OSTF1: variants seen among roughly 807,000 people sequenced by gnomAD.
OSTF1 encodes the protein osteoclast-stimulating factor 1.
A neutral mutation model predicts 37.2 loss-of-function variants in OSTF1; 27 were observed. The observed-to-expected ratio is 0.73, with a 90% CI of 0.54 to 1.00. The LOEUF (loss-of-function observed/expected upper bound fraction) is 1.00. Ranked by LOEUF, OSTF1 falls within the 50% of genes least tolerant of loss-of-function variation. OSTF1 has a pLI of 0.00. For missense variants in OSTF1, 232 were observed against 253.8 expected, an observed-to-expected ratio of 0.91 and a Z score of 0.58; for synonymous variants, 82 against 89.2, an observed-to-expected ratio of 0.92 and a Z score of 0.46.
intron 1 of OSTF1, among the ~76,000 whole-genome samples, chr9:75,115,297 A>G (rs572725744): frequency 6.6e-6 from 1 of 152,010 alleles, no homozygotes; most frequent in African/African-American, 2.4e-5. Context: ...ATTTATTATT[A>G]TTATATTATT....
Position 75,088,719 on chromosome 9 carries a change from C to T in OSTF1, c.27C>T (p.Val9=). The T allele has an allele frequency of 6.2e-7, 1 of 1,609,086 alleles. No homozygotes were observed. Among genetic ancestry groups the T allele is most frequent in the Middle Eastern group, 1.7e-4 (1 of 6,058 alleles). The change falls in exon 1 of 10, where the codon GTC becomes GTT. Residue 9 remains valine (V), a synonymous_variant. Transcript: ENST00000346234. ...TGTCGAAGCCGCCACCCAAACCAGT[C>T]AAACCAGGTGAGGGAGGTAAGGTAG... MSKPPPKP[V]KPGQVKVFRA...
At chr9:75,134,214 A>G in intron 6 of OSTF1, 132 bp from the exon 7 acceptor site, 2 of 510,660 alleles carry the variant, frequency 3.9e-6, no homozygotes, top group Non-Finnish European at 7.1e-6. Flanking sequence ...TATTTTATAA[A>G]TTTTACAAAA....
chr9:75,099,949 A>G (rs1311169111), intron 1 of OSTF1, among the ~76,000 whole-genome samples: 1 of 152,244 alleles, frequency 6.6e-6, no homozygotes, highest in Non-Finnish European at 1.5e-5. Context: ...TTTAGAATTC[A>G]AACAAAAATC....
intron 1 of OSTF1, among the ~76,000 whole-genome samples, chr9:75,112,047 A>G (rs1196013355): frequency 6.7e-6 from 1 of 148,974 alleles, no homozygotes; most frequent in Non-Finnish European, 1.5e-5. Flanking sequence ...CTGGTCTGGA[A>G]CTCCTGACCT....
chr9:75,097,689 G>C (rs1171374380), intron 1 of OSTF1, among the ~76,000 whole-genome samples: 1 of 151,622 alleles, frequency 6.6e-6, no homozygotes, highest in Non-Finnish European at 1.5e-5. Flanking sequence ...AAACATAAAA[G>C]TCTAATGGGG....
chr9:75,108,642 T>G (rs1473833485), intron 1 of OSTF1, among the ~76,000 whole-genome samples: 1 of 152,134 alleles, frequency 6.6e-6, no homozygotes, highest in African/African-American at 2.4e-5. Flanking sequence ...ATCCATTGTA[T>G]TCTTTGTGGG....
chr9:75,106,259 T>C (rs141403426), intron 1 of OSTF1, among the ~76,000 whole-genome samples: 39 of 152,348 alleles, frequency 2.6e-4, no homozygotes, highest in African/African-American at 7.9e-4. Context: ...GGAAGAAACT[T>C]ACTCATTACA....
chr9:75,098,750 T>G (rs1825134677), intron 1 of OSTF1, among the ~76,000 whole-genome samples: 1 of 152,188 alleles, frequency 6.6e-6, no homozygotes, highest in Non-Finnish European at 1.5e-5. Flanking sequence ...GGTGATAGTT[T>G]TAAGCCATAG....
intron 9 of OSTF1, among the ~76,000 whole-genome samples, chr9:75,141,339 A>G (rs1825941087): frequency 7.6e-6 from 1 of 131,106 alleles, no homozygotes; most frequent in Non-Finnish European, 1.6e-5. Context: ...AAAAAAAAAA[A>G]GATAAACTCT....
Position 75,103,160 on chromosome 9 carries a change from G to A in OSTF1, c.35-14344G>A, listed in dbSNP as rs1438106266. 3.3e-5 allele frequency among the ~76,000 whole-genome samples: 5 copies of A among 152,208 alleles called. No individual in the cohort carries two copies. The South Asian group carries it at 6.2e-4, about 19-fold the overall frequency. ...AAAGAAAAATTAGCTGGGTGTGGTGGCATGTGCCTGTGGTCCCAGCTGCCC... is the reference window on the plus strand; with the variant it reads ...AAAGAAAAATTAGCTGGGTGTGGTGACATGTGCCTGTGGTCCCAGCTGCCC... On this transcript the variant is annotated intron_variant, in intron 1 of 9. Coordinates refer to ENST00000346234, the MANE Select transcript of OSTF1 (RefSeq NM_012383.5).
At chr9:75,116,737 C>T (rs971234869) in intron 1 of OSTF1, among the ~76,000 whole-genome samples, 1 of 150,628 alleles carries the variant, frequency 6.6e-6, no homozygotes, top group Admixed American at 6.7e-5. Context: ...TTAAGATGGT[C>T]ATGTTTATAT....
intron 4 of OSTF1, among the ~76,000 whole-genome samples, chr9:75,131,077 G>A (rs969806585): frequency 6.6e-6 from 1 of 152,172 alleles, no homozygotes; most frequent in African/African-American, 2.4e-5. Context: ...TGAGAGACAC[G>A]GCTCCCGCCA....
chr9:75,111,770 G>T (rs553699267), intron 1 of OSTF1, among the ~76,000 whole-genome samples: 1 of 132,758 alleles, frequency 7.5e-6, no homozygotes, highest in African/African-American at 2.8e-5. Flanking sequence ...ACTTGGAATT[G>T]ATCAGTACTT....
intron 1 of OSTF1, among the ~76,000 whole-genome samples, chr9:75,091,433 G>A (rs1293903283): frequency 6.6e-6 from 1 of 152,146 alleles, no homozygotes; most frequent in Non-Finnish European, 1.5e-5. Flanking sequence ...GCGGTCAAAT[G>A]TGTATTTTAG....
At chr9:75,092,952 A>G (rs899768754) in intron 1 of OSTF1, among the ~76,000 whole-genome samples, 4 of 151,606 alleles carry the variant, frequency 2.6e-5, no homozygotes, top group African/African-American at 9.7e-5. Context: ...CTTAACTGTT[A>G]TCTGTGCCAC....
At chr9:75,132,987 A>G (rs1240472472) in intron 5 of OSTF1, among the ~76,000 whole-genome samples, 1 of 87,970 alleles carries the variant, frequency 1.1e-5, no homozygotes, top group Non-Finnish European at 2.7e-5. Context: ...ACACACACAC[A>G]CACACACACA....
At chr9:75,117,589 A>G (rs200664514) in intron 2 of OSTF1, 39 bp downstream of exon 2, 25 of 1,423,900 alleles carry the variant, frequency 1.8e-5, no homozygotes, top group Non-Finnish European at 2.0e-5. Flanking sequence ...TTGACAGAAA[A>G]ACCTAAGATG....
chr9:75,120,574 C>T (rs1002351363), intron 2 of OSTF1, among the ~76,000 whole-genome samples: 3 of 152,106 alleles, frequency 2.0e-5, no homozygotes, highest in East Asian at 1.9e-4. Flanking sequence ...TCGTTGTCTT[C>T]GCCTTTGTCC....
intron 2 of OSTF1, among the ~76,000 whole-genome samples, chr9:75,119,864 C>T (rs1235225292): frequency 4.6e-5 from 7 of 151,824 alleles, no homozygotes; most frequent in East Asian, 3.9e-4. Flanking sequence ...CTCGGGAGAC[C>T]GAGGCAGGAG....
Sources: allele counts gnomAD v4.1 joint callset (sites outside exome capture counted in the v4.1 genomes callset), GRCh38; gene constraint gnomAD v4.1.1; transcripts MANE v1.5; gene names NCBI Gene and HGNC (gene_info 2026-07-23, HGNC 2026-07-21).